SND1: variants seen among roughly 807,000 people sequenced by gnomAD.
SND1 encodes the protein staphylococcal nuclease domain-containing protein 1.
Under a neutral mutation model 121.7 loss-of-function variants are expected in SND1, and 38 were observed. That is an observed-to-expected ratio of 0.31 (90% CI 0.24 to 0.41). The LOEUF (loss-of-function observed/expected upper bound fraction) is 0.41, where lower values mean the gene tolerates loss of function less well. Among genes scored for constraint, SND1 ranks in the 10% least tolerant of loss-of-function variants. The pLI is 1.00. For missense variants in SND1, 868 were observed against 1,184.6 expected (o/e 0.73, Z 3.92); for synonymous variants, 401 against 447.4 (o/e 0.90, Z 1.31).
intron 11 of SND1, among the ~76,000 whole-genome samples, chr7:127,825,689 A>G (rs1342822688): frequency 2.0e-5 from 3 of 151,828 alleles, no homozygotes. Context: ...TACAGGCGTG[A>G]GCCACCGCAC....
intron 19 of SND1, 140 bp downstream of exon 19, chr7:128,084,987 C>T: frequency 1.2e-6 from 1 of 820,002 alleles, no homozygotes; most frequent in Non-Finnish European, 1.8e-6. Flanking sequence ...GGGTGTCCCT[C>T]TTCATTGCCC....
intron 10 of SND1, among the ~76,000 whole-genome samples, chr7:127,784,693 T>C (rs574317314): frequency 9.2e-5 from 14 of 152,328 alleles, no homozygotes; most frequent in African/African-American, 3.1e-4. Context: ...AGTCCTGTAT[T>C]TTTGAGCCTC....
chr7:128,007,197 T>A (rs1803000564), intron 16 of SND1, among the ~76,000 whole-genome samples: 1 of 152,224 alleles, frequency 6.6e-6, no homozygotes, highest in Admixed American at 6.5e-5. Flanking sequence ...GCCTGGCAAT[T>A]CCATCATCTT....
chr7:127,958,348 AT>A lies in SND1; in HGVS notation c.1669+29023del, dbSNP rs372927634. On this transcript the variant is annotated intron_variant, in intron 15 of 23. Coordinates refer to ENST00000354725, the MANE Select transcript of SND1 (RefSeq NM_014390.4). ...TAATACATACAACAACCCTATTTTTATTTTCACTGTTACCCTTATTTTGCTG... is the reference window on the plus strand; with the variant it reads ...TAATACATACAACAACCCTATTTTTATTTCACTGTTACCCTTATTTTGCTG... 1.4e-4 allele frequency among the ~76,000 whole-genome samples: 22 copies of A among 152,132 alleles called. No homozygotes were observed. In the East Asian group the frequency reaches 4.1e-3, roughly 28 times the overall value.
intron 10 of SND1, among the ~76,000 whole-genome samples, chr7:127,757,263 A>G (rs1797214920): frequency 6.6e-6 from 1 of 152,092 alleles, no homozygotes. Flanking sequence ...TATTTATATC[A>G]CTAGTGGTTC....
At chr7:128,075,373 G>A (rs1793490548) in intron 17 of SND1, among the ~76,000 whole-genome samples, 1 of 152,224 alleles carries the variant, frequency 6.6e-6, no homozygotes, top group South Asian at 2.1e-4. Context: ...GCTTGAGGAG[G>A]ATTCGTGGGA....
At chr7:128,067,602 C>CT (rs1382463542) in intron 16 of SND1, among the ~76,000 whole-genome samples, 3 of 152,160 alleles carry the variant, frequency 2.0e-5, no homozygotes, top group Non-Finnish European at 4.4e-5. Flanking sequence ...GGCAGCCCAC[C>CT]TTCCTTGGTA....
chr7:127,987,440 C>T (rs144766082), intron 15 of SND1, among the ~76,000 whole-genome samples: 1 of 152,198 alleles, frequency 6.6e-6, no homozygotes, highest in African/African-American at 2.4e-5. Context: ...CTGCTCGCTG[C>T]CAGCATGTGG....
At chr7:127,986,008 T>C (rs1262786712) in intron 15 of SND1, among the ~76,000 whole-genome samples, 1 of 152,182 alleles carries the variant, frequency 6.6e-6, no homozygotes, top group Admixed American at 6.5e-5. Flanking sequence ...TGGGAAGCTG[T>C]CACATACTTC....
intron 12 of SND1, chr7:127,857,717 C>T (rs922866281): frequency 9.0e-5 from 54 of 599,314 alleles, no homozygotes; most frequent in African/African-American, 1.5e-4. Flanking sequence ...GGCCCCACAA[C>T]TAAAGGCTTT....
intron 12 of SND1, among the ~76,000 whole-genome samples, chr7:127,855,112 A>T (rs898553704): frequency 4.6e-5 from 7 of 151,578 alleles, no homozygotes; most frequent in African/African-American, 1.7e-4. Context: ...TATTGTTGAT[A>T]TTAAGATTCT....
At chr7:127,867,370 T>C (rs1369124047) in intron 12 of SND1, among the ~76,000 whole-genome samples, 2 of 152,220 alleles carry the variant, frequency 1.3e-5, no homozygotes, top group Non-Finnish European at 2.9e-5. Context: ...GCTCCTTAAA[T>C]ATTTGTGCTT....
chr7:127,911,000 G>A (rs1800441311), intron 14 of SND1, among the ~76,000 whole-genome samples: 1 of 152,208 alleles, frequency 6.6e-6, no homozygotes, highest in Non-Finnish European at 1.5e-5. Context: ...GCTCTCCAGA[G>A]CAGGCAGTGT....
At chr7:128,049,478 C>T (rs1171385430) in intron 16 of SND1, among the ~76,000 whole-genome samples, 2 of 152,166 alleles carry the variant, frequency 1.3e-5, no homozygotes. Context: ...CACCAGTTCC[C>T]CCTCTTCCTT....
chr7:127,924,452 A>G (rs1005840830), intron 14 of SND1, among the ~76,000 whole-genome samples: 5 of 152,074 alleles, frequency 3.3e-5, no homozygotes, highest in African/African-American at 9.7e-5. Context: ...CTGTGCTGTT[A>G]TGTTTACCTC....
At chr7:127,911,595 C>T (rs1480868783) in intron 14 of SND1, among the ~76,000 whole-genome samples, 1 of 152,154 alleles carries the variant, frequency 6.6e-6, no homozygotes, top group African/African-American at 2.4e-5. Flanking sequence ...CATCTCAGCT[C>T]ACTGCAACCT....
chr7:127,970,250 A>G (rs1285089063), intron 15 of SND1, among the ~76,000 whole-genome samples: 1 of 152,242 alleles, frequency 6.6e-6, no homozygotes, highest in East Asian at 1.9e-4. Flanking sequence ...TATAAAGTTC[A>G]TTCAACCTGA....
intron 15 of SND1, among the ~76,000 whole-genome samples, chr7:127,953,361 C>G (rs1488360517): frequency 1.3e-5 from 2 of 152,108 alleles, no homozygotes; most frequent in African/African-American, 2.4e-5. Flanking sequence ...TATTTTACCA[C>G]CCCACACACT....
intron 18 of SND1, 96 bp downstream of exon 18, chr7:128,081,597 T>C: frequency 6.9e-7 from 1 of 1,447,502 alleles, no homozygotes. Context: ...GGAGGAACAA[T>C]GCCTAGGCAG....
Sources: allele counts gnomAD v4.1 joint callset (sites outside exome capture counted in the v4.1 genomes callset), GRCh38; gene constraint gnomAD v4.1.1; transcripts MANE v1.5; gene names NCBI Gene and HGNC (gene_info 2026-07-23, HGNC 2026-07-21).